Variants in DCTN1 observed in about 807,000 individuals in gnomAD.
DCTN1 encodes dynactin subunit 1, also known as 150 kDa dynein-associated polypeptide.
In DCTN1, 61 loss-of-function variants were observed where a neutral mutation model predicts 161.2. The observed-to-expected ratio is 0.38, with a 90% CI of 0.31 to 0.47. The LOEUF is 0.47. DCTN1 is among the 20% of genes least tolerant of loss of function. DCTN1 has a pLI of 0.99. For synonymous variants in DCTN1, 653 were observed against 632.4 expected, an observed-to-expected ratio of 1.03 and a Z score of -0.49; for missense variants, 1,404 against 1,623.7, an observed-to-expected ratio of 0.86 and a Z score of 2.33.
At chr2:74,365,766 A>T in intron 24 of DCTN1, 109 bp from the exon 25 acceptor site, 2 of 1,610,812 alleles carry the variant, frequency 1.2e-6, no homozygotes, top group Non-Finnish European at 1.7e-6. Context: ...CACAGCTCCC[A>T]TTGATTGCAG....
chr2:74,365,895 T>A lies in DCTN1; in HGVS notation c.2884A>T (p.Lys962Ter). ...TCCTGAGCCTACACTACCCTCACCTTAATCTTGAGTGACTTCTTCAACTCC... is the reference window on the plus strand; with the variant it reads ...TCCTGAGCCTACACTACCCTCACCTAAATCTTGAGTGACTTCTTCAACTCC... ...IKELKKSLKI[K>*]GEELSEANVR... Residue 962 changes from lysine (K) to a stop codon, truncating the protein, a stop_gained and splice_region_variant, in exon 24 of 32, where the codon AAG (lysine) becomes TAG (stop). Transcript: ENST00000628224. LOFTEE classifies it high-confidence loss of function. 1 of 1,614,228 alleles carries A rather than the reference T, an allele frequency of 6.2e-7. No homozygotes were observed. The highest frequency in any genetic ancestry group is 8.5e-7 in the Non-Finnish European group (1 of 1,180,036).
rs761205758 is a variant in DCTN1, at chr2:74,363,284, G to GCTCC, written c.3345+6_3345+9dup. ...ATCTCCCATCCCAGTCCTCCCCGTGGCTCCCTCACCTTGAGGATGCTGTTC... is the reference window on the plus strand; with the variant it reads ...ATCTCCCATCCCAGTCCTCCCCGTGGCTCCCTCCCTCACCTTGAGGATGCTGTTC... On this transcript the variant is annotated intron_variant, in intron 28 of 31. Transcript: ENST00000628224. 5 of 1,614,080 alleles carry GCTCC rather than the reference G, an allele frequency of 3.1e-6. No homozygotes were observed. Among genetic ancestry groups the GCTCC allele is most frequent in the Non-Finnish European group, 1.7e-6 (2 of 1,180,000 alleles).
Position 74,371,682 on chromosome 2 carries a change from A to G in DCTN1, c.500T>C (p.Leu167Pro), listed in dbSNP as rs1573166503. ...STGVAGASSS[L>P]GPSGSASAGE... ...TGCTGACGCTGAGCCAGAGGGGCCC[A>G]GGGAGCTACTGGCCCCAGCCACCCC... The change falls in exon 8 of 32, where the codon CTG becomes CCG. Residue 167 changes from leucine to proline, a missense_variant. By Grantham distance (98) the Leu-to-Pro change is moderately conservative. Around this residue, in one of 9 missense-constraint regions of DCTN1, gnomAD observed 174 missense variants for 175.6 expected, o/e 0.99. Coordinates refer to ENST00000628224, the MANE Select transcript of DCTN1 (RefSeq NM_004082.5). 6.2e-7 allele frequency: 1 copy of G among 1,606,034 alleles called. No individual in the cohort carries two copies. The highest frequency in any genetic ancestry group is 8.5e-7 in the Non-Finnish European group (1 of 1,177,458).
intron 7 of DCTN1, 151 bp downstream of exon 7, chr2:74,372,777 G>A: frequency 1.2e-6 from 1 of 820,692 alleles, no homozygotes; most frequent in Non-Finnish European, 2.1e-6. Flanking sequence ...GTGCCTGCCA[G>A]CACTGCGAAC....
intron 30 of DCTN1, 84 bp from the exon 31 acceptor site, chr2:74,362,225 T>A: frequency 8.1e-7 from 1 of 1,239,816 alleles, no homozygotes; most frequent in Non-Finnish European, 1.2e-6. Flanking sequence ...ACAGAGACAC[T>A]AATACCAGGG....
At chr2:74,384,568 A>C (rs1675648061), upstream of DCTN1, among the ~76,000 whole-genome samples, 1 of 152,226 alleles carries the variant, frequency 6.6e-6, no homozygotes, top group African/African-American at 2.4e-5. Flanking sequence ...GTGTCTGCCA[A>C]TAGTCTTAGA....
In DCTN1 at chr2:74,365,976, T is replaced by C; in HGVS notation, c.2803A>G (p.Ile935Val). 6.2e-7 allele frequency: 1 copy of C among 1,614,228 alleles called. No individual in the cohort carries two copies. Among genetic ancestry groups the C allele is most frequent in the Non-Finnish European group, 8.5e-7 (1 of 1,180,040 alleles). ...AAACCCAGGCCTTCAGCATCTGTGATCTCTGCACGAAGGGCAGCAGCCCGC... is the reference window on the plus strand; with the variant it reads ...AAACCCAGGCCTTCAGCATCTGTGACCTCTGCACGAAGGGCAGCAGCCCGC... Reference protein sequence around the residue: ...ELRAAALRAEITDAEGLGLKL... With the variant: ...ELRAAALRAEVTDAEGLGLKL... Residue 935 changes from isoleucine to valine, a missense_variant, in exon 24 of 32, where the codon ATC (isoleucine) becomes GTC (valine). Physicochemically the swap from Ile to Val is conservative, Grantham distance 29 (BLOSUM62 3). Transcript: ENST00000628224.
chr2:74,363,525 C>T, intron 27 of DCTN1, 89 bp downstream of exon 27: 1 of 1,597,654 alleles, frequency 6.3e-7, no homozygotes, highest in Non-Finnish European at 8.5e-7. Flanking sequence ...CCCCATCACC[C>T]ATCTCCAGTC....
At chr2:74,373,208 A>T (rs1023272324) in intron 6 of DCTN1, 13 of 551,718 alleles carry the variant, frequency 2.4e-5, no homozygotes, top group Non-Finnish European at 3.0e-5. Context: ...CCCTTCAGAC[A>T]CCCCAGAAAT....
chr2:74,367,936 C>A, intron 17 of DCTN1, 35 bp downstream of exon 17: 3 of 1,614,224 alleles, frequency 1.9e-6, no homozygotes, highest in Non-Finnish European at 2.5e-6. Flanking sequence ...ATCCTGGACC[C>A]CCACCCTGGG....
intron 6 of DCTN1, 136 bp from the exon 7 acceptor site, chr2:74,373,084 C>A (rs1264994847): frequency 2.6e-5 from 20 of 763,306 alleles, no homozygotes; most frequent in Admixed American, 3.9e-5. Context: ...ACCCTCCCCC[C>A]CATCCCATCC....
intron 7 of DCTN1, chr2:74,371,946 T>G: frequency 3.6e-6 from 2 of 558,834 alleles, no homozygotes; most frequent in Non-Finnish European, 3.2e-6. Flanking sequence ...AGGGGGAGGA[T>G]GGAGGCAGAG....
intron 7 of DCTN1, 41 bp from the exon 8 acceptor site, chr2:74,371,769 G>A (rs200504884): frequency 1.3e-6 from 2 of 1,520,284 alleles, no homozygotes; most frequent in East Asian, 2.3e-5. Flanking sequence ...AGAAAGCAGA[G>A]GATAGGGGTA....
chr2:74,361,997 G>A, intron 31 of DCTN1, 55 bp downstream of exon 31: 1 of 1,572,960 alleles, frequency 6.4e-7, no homozygotes, highest in South Asian at 1.1e-5. Flanking sequence ...GAGGAGAGGG[G>A]GGCCCGCCTG....
rs1288930704 is a variant in DCTN1 at position 74,365,067 on chromosome 2, G to A, written c.3196+8C>T. Reference sequence around the variant, plus strand: ...CTGTGCTAGTGCTGCCTATTCCACAGTACTCACCACCAGCAATGCCAGAGA... The same window carrying A: ...CTGTGCTAGTGCTGCCTATTCCACAATACTCACCACCAGCAATGCCAGAGA... On this transcript the variant is annotated splice_region_variant and intron_variant, in intron 26 of 31. Transcript: ENST00000628224. The A allele has an allele frequency of 6.2e-7, 1 of 1,613,956 alleles. No individual in the cohort carries two copies. Among genetic ancestry groups the A allele is most frequent in the Admixed American group, 1.7e-5 (1 of 59,994 alleles).
intron 1 of DCTN1, chr2:74,387,133 G>C (rs1001405757): frequency 1.3e-4 from 20 of 152,178 alleles, no homozygotes; most frequent in African/African-American, 4.8e-4. Context: ...AAGAGCCCTG[G>C]TGACCCCAAT....
intron 1 of DCTN1, chr2:74,391,706 G>A (rs1249273871): frequency 7.1e-6 from 3 of 422,432 alleles, no homozygotes; most frequent in African/African-American, 6.2e-5. Context: ...CCCGCACACC[G>A]GGCTCGGTCC....
chr2:74,381,717 T>C (rs892456897), upstream of DCTN1, among the ~76,000 whole-genome samples: 3 of 152,178 alleles, frequency 2.0e-5, no homozygotes, highest in Non-Finnish European at 2.9e-5. Flanking sequence ...GGTAGCTACA[T>C]AAACTTGGTC....
chr2:74,378,249 A>C lies in DCTN1; in HGVS notation c.34-4T>G. 1.2e-6 allele frequency: 2 copies of C among 1,605,726 alleles called. No individual in the cohort carries two copies. The highest frequency in any genetic ancestry group is 2.2e-5 in the East Asian group (1 of 44,892). On this transcript the variant is annotated splice_polypyrimidine_tract_variant and splice_region_variant and intron_variant, in intron 1 of 31. Transcript: ENST00000628224. ...TCATCCTGCTGCCGCTGGGCGTCTG[A>C]AAGACACAGGTAAACACAGACAGTT...
Sources: gnomAD v4.1 joint callset for allele counts (sites outside exome capture counted in the v4.1 genomes callset) on GRCh38, gnomAD v4.1.1 for gene constraint, gnomAD v4.1.1 regional missense constraint, MANE v1.5 for transcripts, NCBI Gene and HGNC (gene_info 2026-07-23, HGNC 2026-07-21) for gene names.